TRIM36: variants seen among roughly 807,000 people sequenced by gnomAD.
TRIM36 encodes the protein tripartite motif containing 36.
Under a neutral mutation model 72.4 loss-of-function variants are expected in TRIM36, and 42 were observed. The observed-to-expected ratio is 0.58, with a 90% confidence interval of 0.45 to 0.75. TRIM36 has a LOEUF of 0.75. TRIM36 is among the 30% of genes least tolerant of loss of function. TRIM36 has a pLI of 0.00. For missense variants in TRIM36, 913 were observed against 857.1 expected, an observed-to-expected ratio of 1.07 and a Z score of -0.81; for synonymous variants, 315 against 282.8, an observed-to-expected ratio of 1.11 and a Z score of -1.14.
Position 115,137,450 on chromosome 5 carries a change from T to C in TRIM36, c.998A>G (p.Asn333Ser). 1 of 1,614,190 alleles carries C rather than the reference T, an allele frequency of 6.2e-7. No individual in the cohort carries two copies. The highest frequency in any genetic ancestry group is 8.5e-7 in the Non-Finnish European group (1 of 1,180,018). ...TTGAGCATATCCCACAAGTCCATTGTTCTCTAGAAGTCCCTGGTACTCTTC... is the reference window on the plus strand; with the variant it reads ...TTGAGCATATCCCACAAGTCCATTGCTCTCTAGAAGTCCCTGGTACTCTTC... ...QMEEYQGLLE[N>S]NGLVGYAQEV... Residue 333 changes from asparagine to serine, a missense_variant, in exon 6 of 10, where the codon AAC becomes AGC. By Grantham distance (46) the Asn-to-Ser change is conservative. Transcript: ENST00000513154.
At chr5:115,152,819 G>A (rs1400997485) in intron 2 of TRIM36, among the ~76,000 whole-genome samples, 1 of 152,170 alleles carries the variant, frequency 6.6e-6, no homozygotes, top group African/African-American at 2.4e-5. Context: ...AATGCTGAGA[G>A]AAGTCACCAC....
At chr5:115,171,487 A>G (rs1484726304), upstream of TRIM36, among the ~76,000 whole-genome samples, 2 of 152,320 alleles carry the variant, frequency 1.3e-5, no homozygotes, top group South Asian at 2.1e-4. Flanking sequence ...ATATATATAC[A>G]TATATTTAAA....
At position 115,138,233 on chromosome 5, in the gene TRIM36, G is replaced by T. The variant is rs528375798; in HGVS notation, c.832-617C>A. On this transcript the variant is annotated intron_variant, in intron 5 of 9. Coordinates refer to ENST00000513154, the MANE Select transcript of TRIM36 (RefSeq NM_001300759.2). The stretch of plus-strand genomic sequence containing the variant: ...TCCTGCCTCAGCCTCCCAAGTAGCT[G>T]GGACTACAGGCACATGCCACCACGC... Among the ~76,000 whole-genome samples, 477 of 152,246 alleles carry T rather than the reference G, an allele frequency of 3.1e-3. 6 individuals are homozygous for T. The highest frequency in any genetic ancestry group is 2.5e-3 in the Non-Finnish European group (170 of 68,008).
intron 3 of TRIM36, among the ~76,000 whole-genome samples, chr5:115,145,430 T>A (rs766630874): frequency 1.3e-5 from 2 of 152,238 alleles, no homozygotes; most frequent in Non-Finnish European, 2.9e-5. Flanking sequence ...TCCTTTAAGT[T>A]AGTATGTTAA....
intron 7 of TRIM36, among the ~76,000 whole-genome samples, chr5:115,134,538 C>G (rs1397150875): frequency 8.3e-6 from 1 of 120,988 alleles, no homozygotes; most frequent in Non-Finnish European, 2.0e-5. Flanking sequence ...ATATCAAACT[C>G]TCAATGAATT....
intron 5 of TRIM36, among the ~76,000 whole-genome samples, chr5:115,138,149 G>A (rs1018231861): frequency 3.3e-5 from 5 of 152,132 alleles, no homozygotes; most frequent in Non-Finnish European, 5.9e-5. Flanking sequence ...GCACAGACTG[G>A]AGTGCAGTGG....
At chr5:115,165,683 A>G (rs893937068) in intron 1 of TRIM36, among the ~76,000 whole-genome samples, 5 of 152,164 alleles carry the variant, frequency 3.3e-5, no homozygotes, top group Non-Finnish European at 7.3e-5. Flanking sequence ...GGACCCAGGA[A>G]CAGGCAGGAG....
Position 115,169,726 on chromosome 5 carries a change from T to G in TRIM36, c.-92A>C. On this transcript the variant is annotated 5_prime_UTR_variant, in exon 1 of 10. Coordinates refer to ENST00000513154, the MANE Select transcript of TRIM36 (RefSeq NM_001300759.2). ...GGTGGGCGGGTCCCTGCGGCGGCCG[T>G]GGAGCCTCGGTCCGAAGCTGGAAGA... The G allele has an allele frequency of 6.8e-7, 1 of 1,477,950 alleles. No homozygotes were observed. The highest frequency in any genetic ancestry group is 9.0e-7 in the Non-Finnish European group (1 of 1,110,918). 91.6% of individuals were successfully genotyped at this position (1,477,950 alleles called of 1,614,324 possible).
At chr5:115,171,702 A>G (rs552150769), upstream of TRIM36, among the ~76,000 whole-genome samples, 8 of 152,356 alleles carry the variant, frequency 5.3e-5, no homozygotes, top group East Asian at 1.9e-4. Context: ...ATACATTGCT[A>G]TGGCCTTCCA....
intron 1 of TRIM36, among the ~76,000 whole-genome samples, chr5:115,166,056 C>T (rs1175118341): frequency 1.3e-5 from 2 of 152,130 alleles, no homozygotes; most frequent in African/African-American, 2.4e-5. Flanking sequence ...CGTGGTACTG[C>T]AGGCGTCCCT....
intron 4 of TRIM36, among the ~76,000 whole-genome samples, chr5:115,144,242 A>G (rs953329400): frequency 6.6e-6 from 1 of 152,144 alleles, no homozygotes; most frequent in Non-Finnish European, 1.5e-5. Flanking sequence ...AATAAGAATC[A>G]AGTGTCTTAA....
At chr5:115,159,633 T>C (rs1048692496) in intron 2 of TRIM36, 3 of 454,088 alleles carry the variant, frequency 6.6e-6, no homozygotes, top group African/African-American at 6.0e-5. Flanking sequence ...CAATAAAACA[T>C]TTTCTACCTC....
upstream of TRIM36, chr5:115,174,037 C>T (rs970591387): frequency 4.2e-4 from 64 of 152,326 alleles, no homozygotes; most frequent in African/African-American, 1.5e-3. Context: ...TTTGATAAAA[C>T]AGAGCCTCAA....
At chr5:115,180,105 T>C in exon 1 of TRIM36, 2 of 1,519,482 alleles carry the variant, frequency 1.3e-6, no homozygotes, top group Non-Finnish European at 1.8e-6. Context: ...TCTTTTCTCT[T>C]TTTCTGTTTT....
intron 1 of TRIM36, among the ~76,000 whole-genome samples, chr5:115,178,496 C>T (rs1005072407): frequency 1.3e-5 from 2 of 152,128 alleles, no homozygotes; most frequent in Non-Finnish European, 2.9e-5. Flanking sequence ...TTTCTCTTAT[C>T]AGGACTTCTC....
chr5:115,142,487 T>A (rs1261638272), intron 4 of TRIM36, among the ~76,000 whole-genome samples: 1 of 152,144 alleles, frequency 6.6e-6, no homozygotes, highest in African/African-American at 2.4e-5. Flanking sequence ...GATAAGTTAG[T>A]TGACTCAAAG....
In TRIM36 at chr5:115,127,892, G is replaced by C. The variant is rs113965514; in HGVS notation, c.1797-1035C>G. On this transcript the variant is annotated intron_variant, in intron 9 of 9. Coordinates refer to ENST00000513154, the MANE Select transcript of TRIM36 (RefSeq NM_001300759.2). Reference sequence around the variant, plus strand: ...AGGCAGCACTGTTATCCTAGGAAATGACAGCTCCATGTATGTTACTGCCCC... The same window carrying C: ...AGGCAGCACTGTTATCCTAGGAAATCACAGCTCCATGTATGTTACTGCCCC... Among the ~76,000 whole-genome samples, 31 of 152,206 alleles carry C rather than the reference G, an allele frequency of 2.0e-4. 1 individual carries two copies. The highest frequency in any genetic ancestry group is 5.5e-4 in the African/African-American group (23 of 41,526).
chr5:115,153,445 T>A (rs1561437241), intron 2 of TRIM36, among the ~76,000 whole-genome samples: 2 of 151,788 alleles, frequency 1.3e-5, no homozygotes, highest in Non-Finnish European at 1.5e-5. Context: ...TACTGGGAGG[T>A]ATCAATACAC....
upstream of TRIM36, among the ~76,000 whole-genome samples, chr5:115,173,336 C>A (rs371540261): frequency 2.6e-5 from 4 of 152,294 alleles, no homozygotes; most frequent in East Asian, 7.7e-4. Flanking sequence ...TCTAAGCCCC[C>A]TCTCCGCATG....
Sources: allele counts gnomAD v4.1 joint callset (sites outside exome capture counted in the v4.1 genomes callset), GRCh38; gene constraint gnomAD v4.1.1; transcripts MANE v1.5; gene names NCBI Gene and HGNC (gene_info 2026-07-23, HGNC 2026-07-21).